The following CARD16 variants were observed in gnomAD, a reference collection of about 807,000 sequenced individuals.
CARD16 encodes the protein caspase recruitment domain-containing protein 16.
CARD16 carries 8 observed loss-of-function variants against 11.9 expected under a neutral mutation model. The observed-to-expected ratio is 0.67, with a 90% CI of 0.39 to 1.21. CARD16 has a LOEUF of 1.21. CARD16 is among the 50% of genes most tolerant of loss of function. CARD16 has a pLI of 0.01. For synonymous variants in CARD16, 44 were observed against 43.8 expected, an observed-to-expected ratio of 1.00 and a Z score of -0.02; for missense variants, 131 against 118.1, an observed-to-expected ratio of 1.11 and a Z score of -0.51.
rs1275242642 is a variant in CARD16 at position 105,041,658 on chromosome 11, G to A, written c.*105C>T. 10 of 1,613,896 alleles carry A rather than the reference G, an allele frequency of 6.2e-6. No individual in the cohort carries two copies. The highest frequency in any genetic ancestry group is 1.7e-5 in the Admixed American group (1 of 59,972). Reference sequence around the variant, plus strand: ...GAGCGTCTTCTAGAAAGCAAAGCTTGATTCTGCCTTCTGGGCTTGAGCATG... The same window carrying A: ...GAGCGTCTTCTAGAAAGCAAAGCTTAATTCTGCCTTCTGGGCTTGAGCATG... On this transcript the variant is annotated 3_prime_UTR_variant, in exon 4 of 4. Transcript: ENST00000673097.
At chr11:105,042,718 G>C (rs1864132355) in intron 3 of CARD16, among the ~76,000 whole-genome samples, 1 of 152,098 alleles carries the variant, frequency 6.6e-6, no homozygotes, top group African/African-American at 2.4e-5. Flanking sequence ...ATTTGTGAAA[G>C]CAATAGAGAA....
rs746055332 is a variant in CARD16 at position 105,044,620 on chromosome 11, A to G, written c.46T>C (p.Ser16Pro). 19 of 1,613,982 alleles carry G rather than the reference A, an allele frequency of 1.2e-5. No homozygotes were observed. In the African/African-American group the frequency reaches 2.5e-4, roughly 22 times the overall value. Residue 16 changes from serine to proline, a missense_variant, in exon 2 of 4, where the codon TCC becomes CCC. Physicochemically the swap from Ser to Pro is moderately conservative, Grantham distance 74 (BLOSUM62 -1). Transcript: ENST00000673097. ...LKEKRKLFIH[S>P]MGEGTINGLL... is the part of the protein sequence containing the mutation. ...CCATTTATTGTACCTTCACCCATGGAATGGATAAACAGCTTTCTCTTCTCC... is the reference window on the plus strand; with the variant it reads ...CCATTTATTGTACCTTCACCCATGGGATGGATAAACAGCTTTCTCTTCTCC...
intron 3 of CARD16, 25 bp downstream of exon 3, chr11:105,043,458 G>A: frequency 6.6e-7 from 1 of 1,524,196 alleles, no homozygotes; most frequent in Non-Finnish European, 9.1e-7. Context: ...TTCAAAGAAT[G>A]CTCTTCATTG....
chr11:105,044,234 G>A, intron 2 of CARD16, 158 bp downstream of exon 2: 1 of 1,180,544 alleles, frequency 8.5e-7, no homozygotes, highest in South Asian at 1.5e-5. Context: ...ACACAAAAAA[G>A]AGTCAAGGGA....
At chr11:105,044,705 T>G in intron 1 of CARD16, 47 bp from the exon 2 acceptor site, 1 of 1,597,580 alleles carries the variant, frequency 6.3e-7, no homozygotes, top group South Asian at 1.1e-5. Flanking sequence ...CAGCCTCATA[T>G]TCCTCTCACG....
At chr11:105,043,685 A>C (rs1398967123) in intron 2 of CARD16, 140 bp from the exon 3 acceptor site, 1 of 670,670 alleles carries the variant, frequency 1.5e-6, no homozygotes. Context: ...GTGCACCAAA[A>C]CTCCCATCCT....
In CARD16 at chr11:105,044,469, G is replaced by A. The variant is rs577987861; in HGVS notation, c.197C>T (p.Ala66Val). Residue 66 changes from alanine to valine, a missense_variant, in exon 2 of 4, where the codon GCA (alanine) becomes GTA (valine). Physicochemically the swap from Ala to Val is moderately conservative, Grantham distance 64. Transcript: ENST00000673097. ...TGTGATGCAAATTTGGCATGCCTGT[G>A]CCCCTTTCGGAATAACGGAGTCAAT... ...ALIDSVIPKG[A>V]QACQICITYI... is the part of the protein sequence containing the mutation. 9 of 1,614,094 alleles carry A rather than the reference G, an allele frequency of 5.6e-6. No homozygotes were observed. The highest frequency in any genetic ancestry group is 1.3e-5 in the African/African-American group (1 of 75,022).
At chr11:105,043,398 C>A in intron 3 of CARD16, 85 bp downstream of exon 3, 2 of 890,964 alleles carry the variant, frequency 2.2e-6, no homozygotes, top group South Asian at 3.1e-5. Flanking sequence ...TTCTCCATAG[C>A]CCCTTCAAGC....
intron 3 of CARD16, among the ~76,000 whole-genome samples, chr11:105,042,062 G>A (rs1864121382): frequency 2.0e-5 from 3 of 152,148 alleles, no homozygotes; most frequent in Admixed American, 2.0e-4. Context: ...GTTTTCAAAG[G>A]ATTCAAACCC....
chr11:105,043,377 G>T, intron 3 of CARD16, 106 bp downstream of exon 3: 1 of 745,906 alleles, frequency 1.3e-6, no homozygotes, highest in Non-Finnish European at 2.2e-6. Context: ...TATATGATCA[G>T]TCTATGGGAA....
At chr11:105,045,137 ATCT>A in intron 1 of CARD16, 151 bp downstream of exon 1, 1 of 1,095,132 alleles carries the variant, frequency 9.1e-7, no homozygotes, top group Non-Finnish European at 1.4e-6. Context: ...GCCTGCAAAA[ATCT>A]TCTAGTTCCT....
intron 1 of CARD16, 121 bp downstream of exon 1, chr11:105,045,170 C>T (rs1351440322): frequency 2.8e-6 from 4 of 1,407,330 alleles, no homozygotes; most frequent in Non-Finnish European, 4.0e-6. Context: ...CCACTCCTCC[C>T]TCTCCCTCAC....
chr11:105,044,381 C>G lies in CARD16; in HGVS notation c.274+11G>C, dbSNP rs753399490. ...CCTAGGTGAACTTGAGTGTGAGTCACTGACCCTTACCTGCTGAGAGTCCCA... is the reference window on the plus strand; with the variant it reads ...CCTAGGTGAACTTGAGTGTGAGTCAGTGACCCTTACCTGCTGAGAGTCCCA... On this transcript the variant is annotated intron_variant, in intron 2 of 3. Transcript: ENST00000673097. The G allele has an allele frequency of 6.2e-7, 1 of 1,613,916 alleles. No individual in the cohort carries two copies. The highest frequency in any genetic ancestry group is 8.5e-7 in the Non-Finnish European group (1 of 1,179,802).
At chr11:105,043,140 A>C (rs1196191727) in intron 3 of CARD16, among the ~76,000 whole-genome samples, 1 of 152,160 alleles carries the variant, frequency 6.6e-6, no homozygotes, top group Non-Finnish European at 1.5e-5. Flanking sequence ...CAAAACTGTA[A>C]GAGAAGCAGG....
At position 105,045,280 on chromosome 11, in the gene CARD16, A is replaced by G; in HGVS notation, c.7+11T>C. ...CCCAGGGACCTGTTCTTGGAACAGT[A>G]AAAGACTCACCGGCCATGGCTTTTC... On this transcript the variant is annotated intron_variant, in intron 1 of 3. Transcript: ENST00000673097. The G allele has an allele frequency of 1.3e-5, 21 of 1,614,006 alleles. No homozygotes were observed. Among genetic ancestry groups the G allele is most frequent in the Non-Finnish European group, 1.8e-5 (21 of 1,179,890 alleles).
rs181358366 is a variant in CARD16 at position 105,043,268 on chromosome 11, A to G, written c.*43+215T>C. ...AAGTTTGGTACTTATTTGGGTAATC[A>G]GAATTTGAGATACAAATTCAGATTT... On this transcript the variant is annotated intron_variant, in intron 3 of 3. Coordinates refer to ENST00000673097, the MANE Select transcript of CARD16 (RefSeq NM_052889.4). Among the ~76,000 whole-genome samples, 498 of 152,312 alleles carry G rather than the reference A, an allele frequency of 3.3e-3. 4 individuals carry two copies. Among genetic ancestry groups the G allele is most frequent in the African/African-American group, 0.012 (482 of 41,564 alleles).
At chr11:105,043,601 C>T (rs1219549212) in intron 2 of CARD16, 56 bp from the exon 3 acceptor site, 9 of 1,230,014 alleles carry the variant, frequency 7.3e-6, no homozygotes, top group Non-Finnish European at 1.1e-5. Context: ...GAAAACTTTA[C>T]AGCAATGCAT....
At chr11:105,044,094 C>T (rs1467496362) in intron 2 of CARD16, 1 of 487,780 alleles carries the variant, frequency 2.1e-6, no homozygotes, top group Non-Finnish European at 3.6e-6. Context: ...AATATCGTGC[C>T]TTGCCAGGAA....
chr11:105,044,862 G>C, intron 1 of CARD16: 5 of 864,430 alleles, frequency 5.8e-6, no homozygotes, highest in Non-Finnish European at 7.0e-6. Context: ...CCTGAAGACT[G>C]AGTTTACCAT....
Sources: gnomAD v4.1 joint callset for allele counts (sites outside exome capture counted in the v4.1 genomes callset) on GRCh38, gnomAD v4.1.1 for gene constraint, MANE v1.5 for transcripts, NCBI Gene and HGNC (gene_info 2026-07-23, HGNC 2026-07-21) for gene names.